The following ZEB2 variants were observed in gnomAD, a reference collection of about 807,000 sequenced individuals.
ZEB2 encodes zinc finger E-box-binding homeobox 2.
Under a neutral mutation model 99.9 loss-of-function variants are expected in ZEB2, and 6 were observed. That is an observed-to-expected ratio of 0.06 (90% CI 0.03 to 0.12). The LOEUF (loss-of-function observed/expected upper bound fraction) is 0.12. Among genes scored for constraint, ZEB2 ranks in the 10% least tolerant of loss-of-function variants. ZEB2 has a pLI of 1.00. For synonymous variants in ZEB2, 517 were observed against 542.5 expected (o/e 0.95, Z 0.65); for missense variants, 969 against 1,502.8 (o/e 0.64, Z 5.87).
intron 2 of ZEB2, among the ~76,000 whole-genome samples, chr2:144,473,430 T>C (rs1704386443): frequency 6.6e-6 from 1 of 152,000 alleles, no homozygotes; most frequent in Non-Finnish European, 1.5e-5. Flanking sequence ...GTGCATACCT[T>C]GATTCTTTTT....
At chr2:144,450,090 A>G (rs1704036369) in intron 2 of ZEB2, 1 of 151,992 alleles carries the variant, frequency 6.6e-6, no homozygotes, top group Non-Finnish European at 1.5e-5. Flanking sequence ...CTGGAATTGT[A>G]TTACCACTGG....
At chr2:144,466,409 C>T (rs566957262) in intron 2 of ZEB2, among the ~76,000 whole-genome samples, 1 of 152,266 alleles carries the variant, frequency 6.6e-6, no homozygotes, top group Admixed American at 6.5e-5. Flanking sequence ...AGTGAGAACA[C>T]ATTTTAAGCT....
At chr2:144,462,355 G>A (rs1236883219) in intron 2 of ZEB2, 2 of 151,950 alleles carry the variant, frequency 1.3e-5, no homozygotes. Context: ...ACAAAAGAAG[G>A]CCCTTGGTGA....
At chr2:144,508,444 C>T (rs187223497) in intron 2 of ZEB2, among the ~76,000 whole-genome samples, 14 of 152,266 alleles carry the variant, frequency 9.2e-5, no homozygotes, top group Admixed American at 8.5e-4. Flanking sequence ...ACCTTTAATT[C>T]CGTCATGTCT....
chr2:144,408,858 G>T (rs1283862036), intron 4 of ZEB2, among the ~76,000 whole-genome samples: 2 of 152,078 alleles, frequency 1.3e-5, no homozygotes, highest in Non-Finnish European at 2.9e-5. Flanking sequence ...ATTGGTCCAG[G>T]GTAGCCAATA....
chr2:144,491,093 T>C (rs945214779), intron 2 of ZEB2, among the ~76,000 whole-genome samples: 3 of 152,244 alleles, frequency 2.0e-5, no homozygotes, highest in Admixed American at 6.5e-5. Context: ...TGGTCTATCA[T>C]GCCAGTGATG....
At chr2:144,402,366 G>A (rs777508910) in intron 6 of ZEB2, among the ~76,000 whole-genome samples, 2 of 152,146 alleles carry the variant, frequency 1.3e-5, no homozygotes, top group Non-Finnish European at 2.9e-5. Context: ...GACAGATGGT[G>A]TTACATGGGA....
chr2:144,484,435 A>G (rs1422379674), intron 2 of ZEB2, among the ~76,000 whole-genome samples: 1 of 151,964 alleles, frequency 6.6e-6, no homozygotes, highest in Non-Finnish European at 1.5e-5. Context: ...TCCTGAATCA[A>G]ATGTGTAGGA....
chr2:144,417,624 T>G (rs1157420041), intron 4 of ZEB2, among the ~76,000 whole-genome samples: 2 of 152,200 alleles, frequency 1.3e-5, no homozygotes, highest in Non-Finnish European at 2.9e-5. Flanking sequence ...TGGGTATATA[T>G]ACCATTCATT....
intron 2 of ZEB2, among the ~76,000 whole-genome samples, chr2:144,460,390 AT>A (rs1487993725): frequency 6.6e-6 from 1 of 151,480 alleles, no homozygotes; most frequent in Non-Finnish European, 1.5e-5. Context: ...TTATTTATTT[AT>A]TTTTTGGTCA....
At chr2:144,406,787 C>T (rs936937153) in intron 4 of ZEB2, among the ~76,000 whole-genome samples, 27 of 152,314 alleles carry the variant, frequency 1.8e-4, no homozygotes, top group East Asian at 1.9e-4. Flanking sequence ...TTTTAGATGA[C>T]ATCCTTGGCT....
intron 9 of ZEB2, among the ~76,000 whole-genome samples, chr2:144,393,761 A>G (rs955770173): frequency 6.6e-6 from 1 of 152,244 alleles, no homozygotes; most frequent in African/African-American, 2.4e-5. Context: ...GAAACTTGAC[A>G]AGTTGGAAAG....
chr2:144,392,402 G>A (rs973021685), intron 9 of ZEB2, among the ~76,000 whole-genome samples: 7 of 152,274 alleles, frequency 4.6e-5, no homozygotes, highest in East Asian at 3.9e-4. Context: ...GCAATGCTTC[G>A]GGCATGCCCA....
chr2:144,398,894 G>A lies in ZEB2; in HGVS notation c.2293C>T (p.His765Tyr), dbSNP rs1395904812. The A allele has an allele frequency of 1.2e-6, 2 of 1,614,122 alleles. No individual in the cohort carries two copies. The highest frequency in any genetic ancestry group is 1.7e-6 in the Non-Finnish European group (2 of 1,180,014). Residue 765 changes from histidine to tyrosine, a missense_variant, in exon 8 of 10, where the codon CAT becomes TAT. Physicochemically the swap from His to Tyr is moderately conservative, Grantham distance 83 (BLOSUM62 2). This residue lies in a region of ZEB2 where 346 missense variants were observed against 460.0 expected (regional missense o/e 0.75). Coordinates refer to ENST00000627532, the MANE Select transcript of ZEB2 (RefSeq NM_014795.4). The part of the protein sequence containing the change: ...DPPLRLTKPS[H>Y]FTNIKPVEKL... ...TCAACTGGTTTAATATTGGTAAAAT[G>A]GGAAGGTTTTGTTAGCCTGAGAGGA... is the stretch of plus-strand genomic sequence containing the variant.
At chr2:144,439,740 T>G (rs1703881816) in intron 2 of ZEB2, among the ~76,000 whole-genome samples, 1 of 152,242 alleles carries the variant, frequency 6.6e-6, no homozygotes, top group Non-Finnish European at 1.5e-5. Flanking sequence ...TTTCTTGATT[T>G]AAAAAGAAGA....
At chr2:144,438,569 C>T (rs570641838) in intron 2 of ZEB2, among the ~76,000 whole-genome samples, 1 of 152,168 alleles carries the variant, frequency 6.6e-6, no homozygotes, top group East Asian at 1.9e-4. Context: ...TGATCACATG[C>T]AAAAAATTCT....
intron 2 of ZEB2, among the ~76,000 whole-genome samples, chr2:144,441,218 C>T (rs1268667036): frequency 1.0e-5 from 1 of 97,928 alleles, no homozygotes; most frequent in Non-Finnish European, 2.2e-5. Flanking sequence ...AACCTCATGC[C>T]TCCCTAGTAT....
rs1388760067 is a variant in ZEB2 at position 144,386,720 on chromosome 2, C to T, written c.*2731G>A. The stretch of plus-strand genomic sequence containing the variant: ...GCCACAGGGATTTATTCTACCCGGA[C>T]AAAATTTAATGGCTTGATATTTTCA... On this transcript the variant is annotated 3_prime_UTR_variant, in exon 10 of 10. Coordinates refer to ENST00000627532, the MANE Select transcript of ZEB2 (RefSeq NM_014795.4). 2 of 152,012 alleles carry T rather than the reference C, an allele frequency of 1.3e-5. No individual in the cohort carries two copies. The highest frequency in any genetic ancestry group is 2.9e-5 in the Non-Finnish European group (2 of 67,988). 9.4% of individuals were successfully genotyped at this position (152,012 alleles called of 1,614,324 possible). A position where few individuals can be genotyped will look rare whatever the true frequency, so the allele number is the denominator to read the frequency against.
rs759999662 is a variant in ZEB2, at chr2:144,399,660, C to T, written c.1527G>A (p.Pro509=). Residue 509 remains proline (P), a synonymous_variant, in exon 8 of 10, where the codon CCG becomes CCA. Coordinates refer to ENST00000627532, the MANE Select transcript of ZEB2 (RefSeq NM_014795.4). This position sits in a 1 kb window ranked among gnomAD's most constrained non-coding sequence, Gnocchi z 5.6. ...EEQGVTSPNI[P]PVGLPVVSHN... is the part of the protein sequence containing the mutation. ...GACTCACTACCGGAAGACCGACAGG[C>T]GGAATATTAGGAGAAGTAACTCCTT... 125 of 1,614,034 alleles carry T rather than the reference C, an allele frequency of 7.7e-5. 1 individual carries two copies. The highest frequency in any genetic ancestry group is 3.4e-4 in the South Asian group (31 of 91,080).
Sources: allele counts gnomAD v4.1 joint callset (sites outside exome capture counted in the v4.1 genomes callset), GRCh38; gene constraint gnomAD v4.1.1; regional missense constraint gnomAD v4.1.1; non-coding constraint Gnocchi (gnomAD v3.1); transcripts MANE v1.5; gene names NCBI Gene and HGNC (gene_info 2026-07-23, HGNC 2026-07-21).